The following BMAL2 variants were observed in gnomAD, a reference collection of about 807,000 sequenced individuals.
BMAL2 encodes the protein basic helix-loop-helix ARNT-like protein 2.
At chr12:27,417,999 A>C in the BMAL2 span, 1 of 842,108 alleles carries the variant, frequency 1.2e-6, no homozygotes, top group Non-Finnish European at 1.7e-6. Flanking sequence ...TCTCAAAAAA[A>C]TAAAAAATAA....
chr12:27,373,016 G>A, the BMAL2 span, among the ~76,000 whole-genome samples: 1 of 152,182 alleles, frequency 6.6e-6, no homozygotes, highest in Non-Finnish European at 1.5e-5. Context: ...CATCCTGGTA[G>A]GAGGGAGTGG....
the BMAL2 span, among the ~76,000 whole-genome samples, chr12:27,370,700 G>T: frequency 6.6e-6 from 1 of 152,092 alleles, no homozygotes; most frequent in African/African-American, 2.4e-5. Context: ...CCGCCTCCTG[G>T]GTTCAAGTGA....
At chr12:27,405,106 C>T in the BMAL2 span, among the ~76,000 whole-genome samples, 4,190 of 152,248 alleles carry the variant, frequency 0.028, 175 homozygotes, top group African/African-American at 0.096. Context: ...CCGGGAAGCT[C>T]GAACTGGTTG....
the BMAL2 span, among the ~76,000 whole-genome samples, chr12:27,419,706 C>T: frequency 2.6e-5 from 4 of 152,198 alleles, no homozygotes; most frequent in Non-Finnish European, 5.9e-5. Context: ...TGGATATCCA[C>T]TTTAAACACA....
chr12:27,378,256 T>C, the BMAL2 span, among the ~76,000 whole-genome samples: 1 of 152,226 alleles, frequency 6.6e-6, no homozygotes, highest in Non-Finnish European at 1.5e-5. Flanking sequence ...CTTTCTCTTG[T>C]GATGCTTTAA....
the BMAL2 span, among the ~76,000 whole-genome samples, chr12:27,416,366 T>C: frequency 6.6e-6 from 1 of 152,140 alleles, no homozygotes; most frequent in Non-Finnish European, 1.5e-5. Context: ...TAGGTTCCAA[T>C]TTAGTAGATT....
chr12:27,370,177 C>G, the BMAL2 span: 1 of 1,614,102 alleles, frequency 6.2e-7, no homozygotes, highest in African/African-American at 1.3e-5. Context: ...CTCAGAATCC[C>G]CTTACCTATC....
chr12:27,370,769 C>CT, the BMAL2 span, among the ~76,000 whole-genome samples: 1 of 152,120 alleles, frequency 6.6e-6, no homozygotes, highest in Non-Finnish European at 1.5e-5. Flanking sequence ...ACACACCCGG[C>CT]TAATTTTTGT....
At chr12:27,348,376 T>C in the BMAL2 span, among the ~76,000 whole-genome samples, 894 of 152,302 alleles carry the variant, frequency 5.9e-3, 6 homozygotes, top group African/African-American at 0.02. Flanking sequence ...GAGATAGATA[T>C]AATCTGAATC....
chr12:27,357,386 C>T, the BMAL2 span, among the ~76,000 whole-genome samples: 1 of 152,140 alleles, frequency 6.6e-6, no homozygotes, highest in Non-Finnish European at 1.5e-5. Context: ...CAAATGGAAA[C>T]ACATCCCATG....
the BMAL2 span, among the ~76,000 whole-genome samples, chr12:27,333,682 G>A: frequency 6.6e-6 from 1 of 152,252 alleles, no homozygotes; most frequent in Non-Finnish European, 1.5e-5. Flanking sequence ...GCCACACTCC[G>A]GGATCGCAGC....
the BMAL2 span, among the ~76,000 whole-genome samples, chr12:27,414,493 CAA>C: frequency 3.4e-3 from 521 of 152,182 alleles, 6 homozygotes; most frequent in African/African-American, 0.012. Flanking sequence ...AAGTCAGTAA[CAA>C]GAGGAAAATC....
At chr12:27,407,755 G>A in the BMAL2 span, among the ~76,000 whole-genome samples, 1 of 152,282 alleles carries the variant, frequency 6.6e-6, no homozygotes, top group East Asian at 1.9e-4. Context: ...GAGCAGAACT[G>A]AAGGAGATAG....
chr12:27,360,815 A>AAAAAAC, the BMAL2 span, among the ~76,000 whole-genome samples: 1 of 149,290 alleles, frequency 6.7e-6, no homozygotes, highest in African/African-American at 2.4e-5. Context: ...AAAAAAAAAA[A>AAAAAAC]AAAAAAAAAA....
the BMAL2 span, among the ~76,000 whole-genome samples, chr12:27,373,321 T>C: frequency 6.6e-6 from 1 of 152,174 alleles, no homozygotes; most frequent in African/African-American, 2.4e-5. Context: ...GTATTTTCAT[T>C]CACTTAGATT....
At chr12:27,413,217 A>G in the BMAL2 span, among the ~76,000 whole-genome samples, 1 of 152,266 alleles carries the variant, frequency 6.6e-6, no homozygotes, top group African/African-American at 2.4e-5. Context: ...ATAAGAATAT[A>G]GTCAAATTCA....
chr12:27,401,050 G>A, the BMAL2 span, among the ~76,000 whole-genome samples: 61 of 152,218 alleles, frequency 4.0e-4, 1 homozygote, highest in Non-Finnish European at 2.4e-4. Context: ...AGCCTGGATC[G>A]GGTGGAGGCT....
the BMAL2 span, among the ~76,000 whole-genome samples, chr12:27,389,638 C>T: frequency 2.0e-5 from 3 of 152,128 alleles, no homozygotes; most frequent in Middle Eastern, 3.4e-3. Flanking sequence ...TGCTAAAAGA[C>T]AATTACTCTC....
chr12:27,347,612 T>C, the BMAL2 span, among the ~76,000 whole-genome samples: 1 of 152,136 alleles, frequency 6.6e-6, no homozygotes, highest in African/African-American at 2.4e-5. Flanking sequence ...ATAGACTAGC[T>C]TTTTTTTAAA....
Sources: gnomAD v4.1 joint callset for allele counts (sites outside exome capture counted in the v4.1 genomes callset) on GRCh38, gnomAD v4.1.1 for gene constraint, MANE v1.5 for transcripts, NCBI Gene and HGNC (gene_info 2026-07-23, HGNC 2026-07-21) for gene names.